Variants in CACNB2 observed in about 807,000 individuals in gnomAD.
CACNB2 encodes the protein calcium voltage-gated channel auxiliary subunit beta 2.
CACNB2 carries 42 observed loss-of-function variants against 73.3 expected under a neutral mutation model. That is an observed-to-expected ratio of 0.57 (90% CI 0.45 to 0.74). CACNB2 has a LOEUF of 0.74. Among genes scored for constraint, CACNB2 ranks in the 30% least tolerant of loss-of-function variants. CACNB2 has a pLI of 0.00. For missense variants in CACNB2, 940 were observed against 853.0 expected, an observed-to-expected ratio of 1.10 and a Z score of -1.27; for synonymous variants, 348 against 310.3, an observed-to-expected ratio of 1.12 and a Z score of -1.28.
At chr10:18,422,704 T>C (rs1430695816) in intron 3 of CACNB2, among the ~76,000 whole-genome samples, 2 of 152,122 alleles carry the variant, frequency 1.3e-5, no homozygotes, top group African/African-American at 2.4e-5. Context: ...CAAAAAAAAT[T>C]TTTTTTAAGA....
At chr10:18,141,877 CTG>C (rs1376686337) in intron 1 of CACNB2, among the ~76,000 whole-genome samples, 1 of 152,180 alleles carries the variant, frequency 6.6e-6, no homozygotes, top group Admixed American at 6.5e-5. Context: ...GTTTGCTTAA[CTG>C]TGTTGGCTTG....
intron 9 of CACNB2, among the ~76,000 whole-genome samples, chr10:18,520,606 G>A (rs2051769085): frequency 1.3e-5 from 2 of 152,128 alleles, no homozygotes; most frequent in African/African-American, 4.8e-5. Context: ...CCTCTGAATG[G>A]AAACCAAAGT....
chr10:18,391,096 T>C (rs888869574), intron 2 of CACNB2, among the ~76,000 whole-genome samples: 2 of 152,162 alleles, frequency 1.3e-5, no homozygotes, highest in Non-Finnish European at 2.9e-5. Flanking sequence ...ACAATGACTG[T>C]TTTTGGAGTG....
intron 1 of CACNB2, among the ~76,000 whole-genome samples, chr10:18,143,703 G>A (rs1486931246): frequency 6.6e-6 from 1 of 152,206 alleles, no homozygotes; most frequent in Admixed American, 6.5e-5. Flanking sequence ...GAACAGACCA[G>A]CAGTAAAAAC....
chr10:18,456,863 A>T (rs999186581), intron 3 of CACNB2, among the ~76,000 whole-genome samples: 1 of 152,202 alleles, frequency 6.6e-6, no homozygotes, highest in African/African-American at 2.4e-5. Context: ...CCGTATGCAT[A>T]TACCACAATT....
intron 2 of CACNB2, among the ~76,000 whole-genome samples, chr10:18,160,344 T>A (rs2032368137): frequency 6.6e-6 from 1 of 152,184 alleles, no homozygotes; most frequent in Non-Finnish European, 1.5e-5. Context: ...TGAAGATACA[T>A]CATTTTAAAA....
At chr10:18,395,915 AGT>A in intron 2 of CACNB2, among the ~76,000 whole-genome samples, 1 of 152,242 alleles carries the variant, frequency 6.6e-6, no homozygotes, top group South Asian at 2.1e-4. Flanking sequence ...GTCATTTTTC[AGT>A]GTTTAGAGTC....
At chr10:18,246,126 C>T (rs529668878) in intron 2 of CACNB2, among the ~76,000 whole-genome samples, 125 of 152,240 alleles carry the variant, frequency 8.2e-4, no homozygotes, top group Non-Finnish European at 1.5e-3. Flanking sequence ...GTTAAACACA[C>T]CAATTCTCTA....
At chr10:18,229,307 T>A (rs2036136495) in intron 2 of CACNB2, among the ~76,000 whole-genome samples, 1 of 152,234 alleles carries the variant, frequency 6.6e-6, no homozygotes, top group African/African-American at 2.4e-5. Flanking sequence ...AGAATCGTTA[T>A]TCCCATATTG....
intron 2 of CACNB2, among the ~76,000 whole-genome samples, chr10:18,376,973 A>G (rs1195094803): frequency 1.3e-5 from 2 of 152,192 alleles, no homozygotes; most frequent in South Asian, 2.1e-4. Context: ...ATAATAATTT[A>G]ATTGTAAATT....
At chr10:18,199,090 C>T (rs896700134) in intron 2 of CACNB2, among the ~76,000 whole-genome samples, 1 of 151,964 alleles carries the variant, frequency 6.6e-6, no homozygotes, top group African/African-American at 2.4e-5. Flanking sequence ...GATATGTGTC[C>T]GCTGAGAAAA....
At chr10:18,250,166 C>T (rs892848197) in intron 2 of CACNB2, among the ~76,000 whole-genome samples, 4 of 152,218 alleles carry the variant, frequency 2.6e-5, no homozygotes, top group African/African-American at 4.8e-5. Flanking sequence ...TCTAAAAACT[C>T]ATCTCTGTGT....
chr10:18,343,618 A>C (rs367980220), intron 2 of CACNB2, among the ~76,000 whole-genome samples: 17 of 152,148 alleles, frequency 1.1e-4, no homozygotes, highest in Admixed American at 7.9e-4. Context: ...GCCTTCCTAT[A>C]TTTTCTGCAA....
At chr10:18,199,805 G>A (rs1325102337) in intron 2 of CACNB2, among the ~76,000 whole-genome samples, 1 of 152,168 alleles carries the variant, frequency 6.6e-6, no homozygotes, top group Non-Finnish European at 1.5e-5. Flanking sequence ...AGCTATTACA[G>A]TACTAATAGT....
chr10:18,450,926 C>T (rs949092708), intron 3 of CACNB2, among the ~76,000 whole-genome samples: 1 of 152,194 alleles, frequency 6.6e-6, no homozygotes, highest in Admixed American at 6.5e-5. Flanking sequence ...CATGAGCCAC[C>T]ACGCCCAGCC....
Position 18,204,675 on chromosome 10 carries a change from A to T in CACNB2, c.213+53700A>T, listed in dbSNP as rs1477937317. Reference sequence around the variant, plus strand: ...AGATAACAAAACTATGGCATGATAGATTTGGATGTGTTAAGCTCTGCGAGG... The same window carrying T: ...AGATAACAAAACTATGGCATGATAGTTTTGGATGTGTTAAGCTCTGCGAGG... On this transcript the variant is annotated intron_variant, in intron 2 of 13. Transcript: ENST00000324631. 3.3e-5 allele frequency among the ~76,000 whole-genome samples: 5 copies of T among 152,200 alleles called. No homozygotes were observed. The East Asian group carries it at 9.6e-4, about 29-fold the overall frequency.
chr10:18,370,506 G>C (rs988888470), intron 2 of CACNB2, among the ~76,000 whole-genome samples: 2 of 152,162 alleles, frequency 1.3e-5, no homozygotes, highest in African/African-American at 2.4e-5. Context: ...CGCCATGTTG[G>C]CCAGGCTGGT....
At position 18,539,979 on chromosome 10, in the gene CACNB2, T is replaced by G. The variant is rs2053980201; in HGVS notation, c.*255T>G. The G allele has an allele frequency of 2.5e-6, 1 of 399,400 alleles. No homozygotes were observed. Among genetic ancestry groups the G allele is most frequent in the South Asian group, 3.2e-5 (1 of 31,412 alleles). 24.7% of individuals were successfully genotyped at this position (399,400 alleles called of 1,614,324 possible). A position where few individuals can be genotyped will look rare whatever the true frequency, so the allele number is the denominator to read the frequency against. ...GCATACTGGACTCTTCAAAAACTGT[T>G]TTGGGTAGCTGCCACTTGAACAAAA... On this transcript the variant is annotated 3_prime_UTR_variant, in exon 14 of 14. Coordinates refer to ENST00000324631, the MANE Select transcript of CACNB2 (RefSeq NM_201596.3).
chr10:18,399,103 T>G (rs1478977885), intron 2 of CACNB2, among the ~76,000 whole-genome samples: 1 of 152,176 alleles, frequency 6.6e-6, no homozygotes, highest in Non-Finnish European at 1.5e-5. Flanking sequence ...AGAAGCTTTG[T>G]CTTTTCATTG....
Sources: gnomAD v4.1 joint callset for allele counts (sites outside exome capture counted in the v4.1 genomes callset) on GRCh38, gnomAD v4.1.1 for gene constraint, MANE v1.5 for transcripts, NCBI Gene and HGNC (gene_info 2026-07-23, HGNC 2026-07-21) for gene names.